The following RECK variants were observed in gnomAD, a reference collection of about 807,000 sequenced individuals.
RECK encodes reversion inducing cysteine rich protein with kazal motifs, also known as reversion-inducing cysteine-rich protein with Kazal motifs.
A neutral mutation model predicts 115.1 loss-of-function variants in RECK; 69 were observed. The observed-to-expected ratio is 0.60, with a 90% CI of 0.49 to 0.73. RECK has a LOEUF of 0.73. Among genes scored for constraint, RECK ranks in the 30% least tolerant of loss-of-function variants. The probability of loss-of-function intolerance (pLI) is 0.00; values close to 1 mark genes in which losing one functional copy is unlikely to be tolerated. For missense variants in RECK, 1,047 were observed against 1,203.7 expected, an observed-to-expected ratio of 0.87 and a Z score of 1.93; for synonymous variants, 414 against 419.7, an observed-to-expected ratio of 0.99 and a Z score of 0.17.
chr9:36,092,866 A>AG (rs1823215431), intron 10 of RECK, among the ~76,000 whole-genome samples: 1 of 152,028 alleles, frequency 6.6e-6, no homozygotes, highest in Non-Finnish European at 1.5e-5. Context: ...TAGATATTGA[A>AG]GGAAAAAAAA....
At chr9:36,102,365 CT>C in intron 12 of RECK, 135 bp downstream of exon 12, 1 of 763,928 alleles carries the variant, frequency 1.3e-6, no homozygotes, top group Non-Finnish European at 2.0e-6. Context: ...CAATCACAGA[CT>C]CTTGTTTGCT....
intron 6 of RECK, among the ~76,000 whole-genome samples, chr9:36,067,859 G>A (rs1431036085): frequency 1.3e-5 from 2 of 152,162 alleles, no homozygotes; most frequent in African/African-American, 2.4e-5. Flanking sequence ...CAGGAAAAAC[G>A]TTGCAAATGA....
At chr9:36,072,285 A>G (rs188840422) in intron 6 of RECK, among the ~76,000 whole-genome samples, 7 of 152,322 alleles carry the variant, frequency 4.6e-5, no homozygotes, top group Admixed American at 1.3e-4. Flanking sequence ...CCAGAAGCAT[A>G]AAGGAAAAGG....
rs1169940319 is a variant in RECK, at chr9:36,124,322, C to T, written c.*1277C>T. On this transcript the variant is annotated 3_prime_UTR_variant, in exon 21 of 21. Coordinates refer to ENST00000377966, the MANE Select transcript of RECK (RefSeq NM_021111.3). Reference sequence around the variant, plus strand: ...TACCAAAATGTTGCTGAAAAATGGGCACTTAAAGCTTTCAGAATATGTCAG... The same window carrying T: ...TACCAAAATGTTGCTGAAAAATGGGTACTTAAAGCTTTCAGAATATGTCAG... 1 of 152,528 alleles carries T rather than the reference C, an allele frequency of 6.6e-6. No homozygotes were observed. Among genetic ancestry groups the T allele is most frequent in the African/African-American group, 2.4e-5 (1 of 41,422 alleles). 9.4% of individuals were successfully genotyped at this position (152,528 alleles called of 1,614,324 possible). A position where few individuals can be genotyped will look rare whatever the true frequency, so the allele number is the denominator to read the frequency against.
At chr9:36,121,746 G>GA in intron 20 of RECK, 58 bp downstream of exon 20, 6 of 1,568,958 alleles carry the variant, frequency 3.8e-6, no homozygotes, top group Non-Finnish European at 5.2e-6. Context: ...GTGCACCTAG[G>GA]AGGGAGTGGG....
At chr9:36,074,271 T>C (rs1252274277) in intron 6 of RECK, among the ~76,000 whole-genome samples, 1 of 152,234 alleles carries the variant, frequency 6.6e-6, no homozygotes, top group Non-Finnish European at 1.5e-5. Context: ...CCTGAGTTCC[T>C]GGGACAGAGT....
intron 7 of RECK, among the ~76,000 whole-genome samples, chr9:36,082,430 G>A (rs1184681091): frequency 6.6e-6 from 1 of 151,744 alleles, no homozygotes; most frequent in Non-Finnish European, 1.5e-5. Context: ...AAAGTACTGG[G>A]ATTATAGATG....
Position 36,083,377 on chromosome 9 carries a change from G to A in RECK, c.452G>A (p.Cys151Tyr). The change falls in exon 8 of 21, where the codon TGT (cysteine) becomes TAT (tyrosine). Residue 151 changes from cysteine (C) to tyrosine (Y), a missense_variant. Physicochemically the swap from Cys to Tyr is radical, Grantham distance 194 (BLOSUM62 -2). Coordinates refer to ENST00000377966, the MANE Select transcript of RECK (RefSeq NM_021111.3). ...CISRNEMGSV[C>Y]CSYAGHHTNC... ...TTTTTCTCCATAGTGGGCTCGGTTT[G>A]TTGCAGTTATGCAGGTCATCACACA... The A allele has an allele frequency of 6.2e-7, 1 of 1,613,854 alleles. No homozygotes were observed. The highest frequency in any genetic ancestry group is 8.5e-7 in the Non-Finnish European group (1 of 1,179,870).
chr9:36,094,057 C>T lies in RECK; in HGVS notation c.1085+2714C>T, dbSNP rs534422630. Among the ~76,000 whole-genome samples the T allele has an allele frequency of 6.6e-6, 1 of 151,842 alleles. No individual in the cohort carries two copies. Among genetic ancestry groups the T allele is most frequent in the African/African-American group, 2.4e-5 (1 of 41,354 alleles). ...TTCTAGATATTACAAAAAAAAACAA[C>T]CTCAGAATTTTCTGCCAGCAATCTC... On this transcript the variant is annotated intron_variant, in intron 10 of 20. Transcript: ENST00000377966. The surrounding 1 kb of genome is among the most constrained non-coding windows in gnomAD (Gnocchi z 4.1).
chr9:36,051,792 C>T (rs1821313217), intron 1 of RECK, among the ~76,000 whole-genome samples: 1 of 152,150 alleles, frequency 6.6e-6, no homozygotes, highest in Non-Finnish European at 1.5e-5. Context: ...GCTTTACCTG[C>T]ACTCCAGGCC....
Position 36,100,480 on chromosome 9 carries a change from C to G in RECK, c.1235C>G (p.Ala412Gly), listed in dbSNP as rs748913898. ...AAGTGCCAGCCAGAGATGTGGAAAG[C>G]AATAGCTTGTTCACTGCAGATTAAA... ...IKKCQPEMWK[A>G]IACSLQIKPC... The change falls in exon 11 of 21, where the codon GCA becomes GGA. Residue 412 changes from alanine (A) to glycine (G), a missense_variant. Coordinates refer to ENST00000377966, the MANE Select transcript of RECK (RefSeq NM_021111.3). The G allele has an allele frequency of 6.2e-7, 1 of 1,613,934 alleles. No homozygotes were observed. The highest frequency in any genetic ancestry group is 1.3e-5 in the African/African-American group (1 of 74,896).
At chr9:36,116,941 T>C (rs1388763719) in intron 16 of RECK, 44 bp from the exon 17 acceptor site, 2 of 1,527,828 alleles carry the variant, frequency 1.3e-6, no homozygotes, top group Admixed American at 1.8e-5. Flanking sequence ...CCCACCACAG[T>C]CCCTCCCTAC....
chr9:36,050,014 T>C (rs1179877230), intron 1 of RECK, among the ~76,000 whole-genome samples: 1 of 152,174 alleles, frequency 6.6e-6, no homozygotes, highest in Non-Finnish European at 1.5e-5. Context: ...TATCTTCCCA[T>C]ACATTGACCG....
chr9:36,099,692 C>T (rs1823489984), intron 10 of RECK, among the ~76,000 whole-genome samples: 1 of 150,868 alleles, frequency 6.6e-6, no homozygotes, highest in African/African-American at 2.5e-5. Flanking sequence ...GCTATGTTGC[C>T]CAGACTGGTC....
intron 16 of RECK, among the ~76,000 whole-genome samples, chr9:36,114,844 A>AAGAAC (rs1554710418): frequency 7.3e-5 from 11 of 150,574 alleles, no homozygotes; most frequent in African/African-American, 2.7e-4. Flanking sequence ...GACTCCATCT[A>AAGAAC]AAAACAAAAC....
intron 3 of RECK, among the ~76,000 whole-genome samples, chr9:36,059,157 T>G (rs534432113): frequency 9.8e-5 from 15 of 152,306 alleles, no homozygotes; most frequent in Non-Finnish European, 1.2e-4. Flanking sequence ...TTAAATTTCA[T>G]TATAGTATTT....
At chr9:36,117,601 A>G (rs986577333) in intron 17 of RECK, among the ~76,000 whole-genome samples, 1 of 152,222 alleles carries the variant, frequency 6.6e-6, no homozygotes, top group Non-Finnish European at 1.5e-5. Context: ...CTGAAAAGTC[A>G]TTGAAATTTT....
At chr9:36,061,896 T>C (rs1175461270) in intron 4 of RECK, among the ~76,000 whole-genome samples, 1 of 152,234 alleles carries the variant, frequency 6.6e-6, no homozygotes, top group Non-Finnish European at 1.5e-5. Flanking sequence ...TTTATTTGCC[T>C]TGTTTTACTT....
intron 15 of RECK, among the ~76,000 whole-genome samples, chr9:36,111,559 TA>T (rs1461970910): frequency 6.6e-6 from 1 of 152,156 alleles, no homozygotes; most frequent in African/African-American, 2.4e-5. Flanking sequence ...CATGCCATTC[TA>T]ATTTTGTATT....
Sources: allele counts gnomAD v4.1 joint callset (sites outside exome capture counted in the v4.1 genomes callset), GRCh38; gene constraint gnomAD v4.1.1; non-coding constraint Gnocchi (gnomAD v3.1); transcripts MANE v1.5; gene names NCBI Gene and HGNC (gene_info 2026-07-23, HGNC 2026-07-21).